The following PTPRN2 variants were observed in gnomAD, a reference collection of about 807,000 sequenced individuals.
The protein encoded by PTPRN2 is receptor-type tyrosine-protein phosphatase N2.
Under a neutral mutation model 118.8 loss-of-function variants are expected in PTPRN2, and 74 were observed. That is an observed-to-expected ratio of 0.62 (90% CI 0.52 to 0.76). The LOEUF (loss-of-function observed/expected upper bound fraction) is 0.76. Among genes scored for constraint, PTPRN2 ranks in the 30% least tolerant of loss-of-function variants. The pLI, the probability that PTPRN2 is intolerant of heterozygous loss-of-function variation, is 0.00. For missense variants in PTPRN2, 1,481 were observed against 1,394.4 expected (o/e 1.06, Z -0.99); for synonymous variants, 641 against 608.0 (o/e 1.05, Z -0.80).
At chr7:158,316,209 G>A (rs540772704) in intron 3 of PTPRN2, among the ~76,000 whole-genome samples, 67 of 152,214 alleles carry the variant, frequency 4.4e-4, no homozygotes, top group Admixed American at 9.2e-4. Context: ...CCTTCCCTAC[G>A]CACAGTGCTC....
At chr7:158,490,271 G>A (rs1204861005) in intron 1 of PTPRN2, among the ~76,000 whole-genome samples, 1 of 152,230 alleles carries the variant, frequency 6.6e-6, no homozygotes, top group Non-Finnish European at 1.5e-5. Flanking sequence ...CGTGGCGTCC[G>A]TGGCCACAGA....
intron 17 of PTPRN2, among the ~76,000 whole-genome samples, chr7:157,593,944 AT>A (rs1027337301): frequency 3.0e-4 from 45 of 152,280 alleles, no homozygotes; most frequent in African/African-American, 9.9e-4. Context: ...TTATTTATTT[AT>A]TTTCAATAGT....
chr7:158,330,101 A>T (rs1804071513), intron 2 of PTPRN2, among the ~76,000 whole-genome samples: 2 of 147,402 alleles, frequency 1.4e-5, no homozygotes, highest in South Asian at 4.5e-4. Context: ...CGTCACTCAC[A>T]CCCACACTCT....
intron 12 of PTPRN2, among the ~76,000 whole-genome samples, chr7:157,699,494 C>T (rs1429393283): frequency 2.0e-5 from 3 of 152,116 alleles, no homozygotes; most frequent in East Asian, 3.8e-4. Context: ...AGTGCAGTGG[C>T]GTGATCCTGG....
At position 158,334,717 on chromosome 7, in the gene PTPRN2, C is replaced by CATCA. The variant is rs1563161070; in HGVS notation, c.164-17786_164-17785insTGAT. On this transcript the variant is annotated intron_variant, in intron 2 of 22. Transcript: ENST00000389418. Reference sequence around the variant, plus strand: ...CACCATAAGAGGTGACACCTGCAGACGTCACACCCACACTCTCACCATAAG... The same window carrying CATCA: ...CACCATAAGAGGTGACACCTGCAGACATCAGTCACACCCACACTCTCACCATAAG... Among the ~76,000 whole-genome samples the CATCA allele has an allele frequency of 8.7e-3, 81 of 9,308 alleles. 8 individuals carry two copies. Among genetic ancestry groups the CATCA allele is most frequent in the Non-Finnish European group, 0.021 (55 of 2,564 alleles). The allele number at this position is 9,308 out of a possible 152,430, so 6.1% of individuals were successfully genotyped here.
rs939152058 is a variant in PTPRN2, at chr7:158,056,571, C to T, written c.1723+24727G>A. On this transcript the variant is annotated intron_variant, in intron 11 of 22. Transcript: ENST00000389418. ...GCTCGGTTTGACGATGGGATGTTTT[C>T]GTGTGCATCCCGTCACCAGCCACAG... is the stretch of plus-strand genomic sequence containing the variant. Among the ~76,000 whole-genome samples, 8 of 152,328 alleles carry T rather than the reference C, an allele frequency of 5.3e-5. No individual in the cohort carries two copies. In the East Asian group the frequency reaches 5.8e-4, roughly 11 times the overall value.
chr7:157,762,483 C>G (rs1320104203), intron 12 of PTPRN2, among the ~76,000 whole-genome samples: 1 of 151,332 alleles, frequency 6.6e-6, no homozygotes, highest in East Asian at 1.9e-4. Flanking sequence ...TCTCAGTAAA[C>G]TATCGCAAAA....
At chr7:158,369,340 G>GAT (rs1213465680) in intron 2 of PTPRN2, among the ~76,000 whole-genome samples, 122 of 150,306 alleles carry the variant, frequency 8.1e-4, no homozygotes, top group Admixed American at 4.1e-3. Flanking sequence ...TAACTAATAT[G>GAT]ATATATATAT....
intron 2 of PTPRN2, among the ~76,000 whole-genome samples, chr7:158,482,403 G>T (rs139854316): frequency 1.4e-4 from 21 of 152,268 alleles, no homozygotes; most frequent in East Asian, 3.9e-4. Context: ...TAACACAGTT[G>T]CCCCAAGCTT....
chr7:158,402,627 A>G (rs1178632187), intron 2 of PTPRN2, among the ~76,000 whole-genome samples: 1 of 152,100 alleles, frequency 6.6e-6, no homozygotes, highest in East Asian at 1.9e-4. Flanking sequence ...TCTCCTTCCA[A>G]TGCAGCTGTC....
At chr7:158,561,332 C>T (rs1332697433) in intron 1 of PTPRN2, among the ~76,000 whole-genome samples, 3 of 152,088 alleles carry the variant, frequency 2.0e-5, no homozygotes, top group African/African-American at 7.2e-5. Flanking sequence ...TAAACCCCTG[C>T]CTGAGAAAAT....
intron 11 of PTPRN2, among the ~76,000 whole-genome samples, chr7:158,040,839 T>C (rs764395298): frequency 3.3e-5 from 5 of 151,454 alleles, no homozygotes; most frequent in Admixed American, 6.6e-5. Flanking sequence ...TTCAAGTGAT[T>C]CTCCTGCCTC....
intron 3 of PTPRN2, among the ~76,000 whole-genome samples, chr7:158,297,808 A>T (rs1586164411): frequency 1.3e-5 from 2 of 152,346 alleles, no homozygotes; most frequent in African/African-American, 4.8e-5. Context: ...ATTTTGGAGA[A>T]TATCACAATA....
chr7:157,565,210 T>C (rs1799423406), intron 21 of PTPRN2, among the ~76,000 whole-genome samples: 1 of 152,222 alleles, frequency 6.6e-6, no homozygotes, highest in South Asian at 2.1e-4. Flanking sequence ...GTCTGAGAGC[T>C]GGGTCTATGC....
chr7:158,249,959 T>C (rs184723092), intron 3 of PTPRN2, among the ~76,000 whole-genome samples: 17 of 152,204 alleles, frequency 1.1e-4, no homozygotes. Flanking sequence ...GAACACGTGT[T>C]GGATGCACGA....
At chr7:157,701,737 A>G (rs1024891579) in intron 12 of PTPRN2, among the ~76,000 whole-genome samples, 1 of 152,216 alleles carries the variant, frequency 6.6e-6, no homozygotes, top group Admixed American at 6.5e-5. Flanking sequence ...CTGTGCGTTT[A>G]TAAGAGAGCC....
chr7:158,056,999 T>C (rs1809841596), intron 11 of PTPRN2, among the ~76,000 whole-genome samples: 1 of 152,056 alleles, frequency 6.6e-6, no homozygotes, highest in Non-Finnish European at 1.5e-5. Flanking sequence ...GCTTTTAAAA[T>C]TCACAAACAA....
chr7:157,801,427 C>T lies in PTPRN2; in HGVS notation c.1788+97246G>A, dbSNP rs1805295491. ...CTGCATCACGAGAGTGCTGCGTTAA[C>T]CCAGGTGCGGGGGATATTATCCTCC... On this transcript the variant is annotated intron_variant, in intron 12 of 22. Transcript: ENST00000389418. This position sits in a 1 kb window ranked among gnomAD's most constrained non-coding sequence, Gnocchi z 4.2. 6.6e-6 allele frequency among the ~76,000 whole-genome samples: 1 copy of T among 152,048 alleles called. No individual in the cohort carries two copies. The highest frequency in any genetic ancestry group is 2.4e-5 in the African/African-American group (1 of 41,380).
intron 11 of PTPRN2, among the ~76,000 whole-genome samples, chr7:158,025,522 C>T (rs1454002780): frequency 1.3e-5 from 2 of 152,118 alleles, no homozygotes; most frequent in Admixed American, 1.3e-4. Context: ...AACACAACTG[C>T]TTATATGTGA....
Sources: allele counts gnomAD v4.1 joint callset (sites outside exome capture counted in the v4.1 genomes callset), GRCh38; gene constraint gnomAD v4.1.1; non-coding constraint Gnocchi (gnomAD v3.1); transcripts MANE v1.5; gene names NCBI Gene and HGNC (gene_info 2026-07-23, HGNC 2026-07-21).